Variants in TJP1 observed in about 807,000 individuals in gnomAD.
TJP1 encodes tight junction protein ZO-1.
A neutral mutation model predicts 194.2 loss-of-function variants in TJP1; 43 were observed. The observed-to-expected ratio is 0.22, with a 90% confidence interval of 0.17 to 0.29. The LOEUF (loss-of-function observed/expected upper bound fraction) is 0.29. Ranked by LOEUF, TJP1 falls within the 10% of genes least tolerant of loss-of-function variation. The pLI is 1.00. For synonymous variants in TJP1, 801 were observed against 779.0 expected (o/e 1.03, Z -0.47); for missense variants, 1,971 against 2,185.7 (o/e 0.90, Z 1.96).
At chr15:29,919,318 G>C (rs2054283665) in intron 2 of TJP1, among the ~76,000 whole-genome samples, 1 of 152,224 alleles carries the variant, frequency 6.6e-6, no homozygotes, top group Admixed American at 6.5e-5. Context: ...GTGGGCACAA[G>C]GGCACAGGAG....
intron 10 of TJP1, among the ~76,000 whole-genome samples, chr15:29,738,119 C>T (rs996011970): frequency 6.6e-6 from 1 of 151,994 alleles, no homozygotes; most frequent in Non-Finnish European, 1.5e-5. Flanking sequence ...GTGTTGAAAC[C>T]TTGTGACATT....
chr15:29,781,784 T>A (rs146914826), intron 2 of TJP1, among the ~76,000 whole-genome samples: 1 of 152,324 alleles, frequency 6.6e-6, no homozygotes, highest in Non-Finnish European at 1.5e-5. Flanking sequence ...TTAAGAACTC[T>A]CAATAAACTA....
intron 18 of TJP1, 41 bp from the exon 19 acceptor site, chr15:29,720,749 T>C: frequency 6.8e-7 from 1 of 1,481,112 alleles, no homozygotes; most frequent in Middle Eastern, 1.8e-4. Flanking sequence ...TATTCAGTAG[T>C]TCTTTAAGAG....
At chr15:29,824,481 C>T (rs138296752), upstream of TJP1, among the ~76,000 whole-genome samples, 592 of 151,162 alleles carry the variant, frequency 3.9e-3, 16 homozygotes, top group East Asian at 0.075. Context: ...TCATCATCAT[C>T]CCAGCACTTT....
intron 2 of TJP1, among the ~76,000 whole-genome samples, chr15:29,922,553 G>T (rs976897918): frequency 5.3e-5 from 8 of 152,162 alleles, no homozygotes; most frequent in Admixed American, 2.6e-4. Flanking sequence ...AATTAAAGTA[G>T]AAAGAAATAA....
At chr15:29,841,077 C>T (rs1048037156) in intron 2 of TJP1, among the ~76,000 whole-genome samples, 4 of 152,126 alleles carry the variant, frequency 2.6e-5, no homozygotes, top group Non-Finnish European at 4.4e-5. Flanking sequence ...AAATAGGACA[C>T]TGGCATTTCC....
chr15:29,734,758 C>T (rs6495890), intron 11 of TJP1, among the ~76,000 whole-genome samples: 123,908 of 152,038 alleles, frequency 0.81, 50,817 homozygotes, highest in East Asian at 0.96. Context: ...AGTGCTGGGA[C>T]TACAGGCATG....
chr15:29,891,583 T>G lies in TJP1; in HGVS notation c.306+64649A>C, dbSNP rs1033532075. Among the ~76,000 whole-genome samples, 4 of 152,240 alleles carry G rather than the reference T, an allele frequency of 2.6e-5. No homozygotes were observed. The East Asian group carries it at 7.7e-4, about 29-fold the overall frequency. ...CTGGCACCATTCTTCCAACAGCATG[T>G]GCTCCCTTTGTGATTCCATGTCACC... On this transcript the variant is annotated intron_variant, in intron 2 of 28. Coordinates refer to the TJP1 transcript ENST00000356107.
chr15:29,944,382 ACCGCGC>A (rs1431254439), intron 2 of TJP1, among the ~76,000 whole-genome samples: 2 of 152,120 alleles, frequency 1.3e-5, no homozygotes, highest in Non-Finnish European at 2.9e-5. Context: ...GGCGTGAGCC[ACCGCGC>A]CCGGCCTTGA....
intron 2 of TJP1, among the ~76,000 whole-genome samples, chr15:29,849,060 C>T (rs924041825): frequency 9.9e-5 from 15 of 151,584 alleles, no homozygotes; most frequent in African/African-American, 3.4e-4. Flanking sequence ...ATCTTATAAA[C>T]AAGAGAAAAA....
intron 2 of TJP1, among the ~76,000 whole-genome samples, chr15:29,784,305 T>C (rs2047561194): frequency 2.6e-5 from 4 of 152,112 alleles, no homozygotes; most frequent in Admixed American, 2.6e-4. Context: ...TCAAGGATTT[T>C]TTTTTTCTTT....
At chr15:29,943,628 C>CAAAA (rs71103417) in intron 2 of TJP1, among the ~76,000 whole-genome samples, 3 of 51,014 alleles carry the variant, frequency 5.9e-5, no homozygotes, top group African/African-American at 8.4e-5. Flanking sequence ...GACTCCATCT[C>CAAAA]AAAAAAAAAA....
intron 27 of TJP1, 70 bp downstream of exon 27, chr15:29,704,092 C>A: frequency 6.9e-7 from 1 of 1,452,008 alleles, no homozygotes; most frequent in Non-Finnish European, 9.4e-7. Flanking sequence ...GCATGGGCAG[C>A]ATCATCAGCC....
At chr15:29,778,210 T>C (rs1050621994) in intron 2 of TJP1, among the ~76,000 whole-genome samples, 3 of 152,106 alleles carry the variant, frequency 2.0e-5, no homozygotes, top group African/African-American at 7.2e-5. Flanking sequence ...CCAGGAGCCC[T>C]GCGACTTCTT....
chr15:29,836,984 A>C (rs143569173), intron 2 of TJP1, among the ~76,000 whole-genome samples: 1 of 152,322 alleles, frequency 6.6e-6, no homozygotes, highest in African/African-American at 2.4e-5. Flanking sequence ...ATAAATTTAT[A>C]CTGTCCATAA....
At chr15:29,816,469 AC>A (rs2049931728) in intron 1 of TJP1, among the ~76,000 whole-genome samples, 1 of 152,240 alleles carries the variant, frequency 6.6e-6, no homozygotes, top group Non-Finnish European at 1.5e-5. Context: ...TTATCAGCCA[AC>A]TATATAAATT....
At chr15:29,720,171 C>T in intron 19 of TJP1, 155 bp from the exon 20 acceptor site, 1 of 1,126,552 alleles carries the variant, frequency 8.9e-7, no homozygotes, top group Non-Finnish European at 1.2e-6. Context: ...AAAAAAAATC[C>T]AGTACATTGC....
At chr15:29,704,038 C>T in intron 27 of TJP1, 124 bp downstream of exon 27, 1 of 962,890 alleles carries the variant, frequency 1.0e-6, no homozygotes, top group Non-Finnish European at 1.5e-6. Context: ...ACTGGTGATG[C>T]CTACAAGGCC....
intron 13 of TJP1, 94 bp from the exon 14 acceptor site, chr15:29,732,909 A>T: frequency 7.6e-7 from 1 of 1,316,978 alleles, no homozygotes; most frequent in Middle Eastern, 2.0e-4. Flanking sequence ...ACTGGATGGA[A>T]GTTCACATAC....
Sources: gnomAD v4.1 joint callset for allele counts (sites outside exome capture counted in the v4.1 genomes callset) on GRCh38, gnomAD v4.1.1 for gene constraint, MANE v1.5 for transcripts, NCBI Gene and HGNC (gene_info 2026-07-23, HGNC 2026-07-21) for gene names.